XBP1: variants seen among roughly 807,000 people sequenced by gnomAD.
The protein encoded by XBP1 is X-box-binding protein 1.
Under a neutral mutation model 34.6 loss-of-function variants are expected in XBP1, and 18 were observed. The ratio of observed to expected loss-of-function variants is 0.52; its 90% CI spans 0.36 to 0.77. The LOEUF is 0.77. XBP1 is among the 30% of genes least tolerant of loss of function. The pLI, the probability that XBP1 is intolerant of heterozygous loss-of-function variation, is 0.00. For synonymous variants in XBP1, 191 were observed against 193.4 expected (o/e 0.99, Z 0.11); for missense variants, 422 against 464.6 (o/e 0.91, Z 0.84).
chr22:28,798,333 C>CTTTTTTTTTT (rs1555948879), intron 2 of XBP1, among the ~76,000 whole-genome samples: 1 of 107,166 alleles, frequency 9.3e-6, no homozygotes, highest in African/African-American at 4.7e-5. Flanking sequence ...AGGGTTTTTG[C>CTTTTTTTTTT]TCTGTCGCCC....
exon 1 of XBP1, chr22:28,800,393 T>A (rs1031402128): frequency 9.1e-6 from 14 of 1,530,804 alleles, no homozygotes; most frequent in Non-Finnish European, 1.2e-5. Context: ...GGCTGGCCCC[T>A]CTCTGGGCTG....
At chr22:28,796,979 C>A in intron 3 of XBP1, 98 bp downstream of exon 3, 1 of 1,445,528 alleles carries the variant, frequency 6.9e-7, no homozygotes, top group Admixed American at 2.4e-5. Context: ...ATTTCAAGAA[C>A]GCTCTTGATC....
At chr22:28,797,044 C>A in intron 3 of XBP1, 33 bp downstream of exon 3, 1 of 1,590,744 alleles carries the variant, frequency 6.3e-7, no homozygotes, top group South Asian at 1.1e-5. Flanking sequence ...AACCAGTACT[C>A]ACATGAGGCA....
chr22:28,797,771 A>G (rs1179518125), intron 2 of XBP1, among the ~76,000 whole-genome samples: 1 of 151,932 alleles, frequency 6.6e-6, no homozygotes, highest in Non-Finnish European at 1.5e-5. Flanking sequence ...CAACAGAGTG[A>G]GACTCCATCT....
intron 3 of XBP1, chr22:28,796,869 GAT>G (rs928117089): frequency 2.0e-5 from 8 of 395,654 alleles, no homozygotes; most frequent in African/African-American, 1.7e-4. Flanking sequence ...TTCATTATTA[GAT>G]CTTAGTACTG....
At chr22:28,794,890 T>C (rs2031715071), downstream of XBP1, 2 of 273,162 alleles carry the variant, frequency 7.3e-6, no homozygotes, top group African/African-American at 4.4e-5. Flanking sequence ...ATAAGTATTT[T>C]AGGGAAAACT....
intron 2 of XBP1, among the ~76,000 whole-genome samples, chr22:28,798,073 C>T (rs2031782577): frequency 6.6e-6 from 1 of 152,048 alleles, no homozygotes; most frequent in African/African-American, 2.4e-5. Flanking sequence ...CAGGTGGACC[C>T]TAGAGGGGGA....
chr22:28,797,169 C>T (rs768322603), exon 3 of XBP1: 1 of 1,613,190 alleles, frequency 6.2e-7, no homozygotes, highest in South Asian at 1.1e-5. Flanking sequence ...TGAGTTTTCT[C>T]TCGTAAAAGC....
rs754375110 is a variant in XBP1, at chr22:28,795,560, G to A, written c.746C>T (p.Ala249Val). The change falls in exon 6 of 6, where the codon GCC (alanine) becomes GTC (valine). Residue 249 changes from alanine to valine, a missense_variant. Ala to Val is a moderately conservative substitution (Grantham distance 64, BLOSUM62 0). Transcript: ENST00000344347. ...GTCAAAACGAATTAGTTCATTAATGGCTTCCAGCTTGGCTGATGACGTCCC... is the reference window on the plus strand; with the variant it reads ...GTCAAAACGAATTAGTTCATTAATGACTTCCAGCTTGGCTGATGACGTCCC... 8 of 1,614,150 alleles carry A rather than the reference G, an allele frequency of 5.0e-6. No individual in the cohort carries two copies. The South Asian group carries it at 5.5e-5, about 11-fold the overall frequency.
exon 1 of XBP1, chr22:28,800,476 C>A: frequency 6.7e-7 from 1 of 1,485,068 alleles, no homozygotes; most frequent in Non-Finnish European, 8.9e-7. Flanking sequence ...AGAAGCAGAA[C>A]TTTAGGGGTC....
chr22:28,799,260 CAG>C (rs1201162112), intron 1 of XBP1, 107 bp from the exon 2 acceptor site: 2 of 747,576 alleles, frequency 2.7e-6, no homozygotes, highest in East Asian at 5.4e-5. Flanking sequence ...CAGTATAAGA[CAG>C]ACTAATGATA....
At chr22:28,799,886 C>A (rs2031834168) in intron 1 of XBP1, 3 of 731,566 alleles carry the variant, frequency 4.1e-6, no homozygotes, top group African/African-American at 1.7e-5. Context: ...GAATTCCCAG[C>A]CCTTTCAACA....
At chr22:28,800,536 A>ACACACCG (rs1555949309), upstream of XBP1, 21 of 1,480,064 alleles carry the variant, frequency 1.4e-5, no homozygotes, top group African/African-American at 5.9e-5. Context: ...GCTCCAGACT[A>ACACACCG]CGCACCGCGC....
chr22:28,800,203 C>T, intron 1 of XBP1, 95 bp downstream of exon 1: 12 of 1,381,942 alleles, frequency 8.7e-6, no homozygotes, highest in Non-Finnish European at 1.2e-5. Context: ...CCCTGCGGGG[C>T]GGCCAGTGCT....
intron 3 of XBP1, 192 bp from the exon 4 acceptor site, chr22:28,796,384 G>C (rs972208470): frequency 2.1e-6 from 1 of 480,952 alleles, no homozygotes; most frequent in African/African-American, 2.0e-5. Context: ...AGTTCTGCTT[G>C]AATCTTTGCC....
chr22:28,796,967 A>G (rs2031762375), intron 3 of XBP1, 110 bp downstream of exon 3: 1 of 1,408,062 alleles, frequency 7.1e-7, no homozygotes, highest in Non-Finnish European at 9.5e-7. Context: ...AACTGAAGGA[A>G]AATTTCAAGA....
chr22:28,798,317 T>TTTTTTTTTTTTTTA (rs2031788917), intron 2 of XBP1, among the ~76,000 whole-genome samples: 12 of 150,352 alleles, frequency 8.0e-5, no homozygotes, highest in African/African-American at 1.2e-4. Context: ...TTTTTTTTTT[T>TTTTTTTTTTTTTTA]GAGACAGGGT....
chr22:28,799,217 A>G (rs2031815964), intron 1 of XBP1, 64 bp from the exon 2 acceptor site: 1 of 1,303,344 alleles, frequency 7.7e-7, no homozygotes, highest in Admixed American at 2.0e-5. Flanking sequence ...TTTATTTGAA[A>G]ACTTTACCAG....
chr22:28,796,098 A>G (rs1348966812), exon 5 of XBP1: 2 of 1,613,988 alleles, frequency 1.2e-6, no homozygotes, highest in Non-Finnish European at 8.5e-7. Flanking sequence ...GATGTTCTGG[A>G]GGGGTGACAA....
Sources: gnomAD v4.1 joint callset for allele counts (sites outside exome capture counted in the v4.1 genomes callset) on GRCh38, gnomAD v4.1.1 for gene constraint, MANE v1.5 for transcripts, NCBI Gene and HGNC (gene_info 2026-07-23, HGNC 2026-07-21) for gene names.